The following MYL4 variants were observed in gnomAD, a reference collection of about 807,000 sequenced individuals.
MYL4 encodes the protein atrial myosin light chain 1.
Under a neutral mutation model 21.6 loss-of-function variants are expected in MYL4, and 16 were observed. That is an observed-to-expected ratio of 0.74 (90% CI 0.50 to 1.12). The LOEUF is 1.12. Among genes scored for constraint, MYL4 ranks in the 50% most tolerant of loss-of-function variants. The pLI is 0.00. For missense variants in MYL4, 249 were observed against 252.9 expected (o/e 0.98, Z 0.11); for synonymous variants, 82 against 95.7 (o/e 0.86, Z 0.83).
upstream of MYL4, among the ~76,000 whole-genome samples, chr17:47,199,864 T>A (rs541565718): frequency 2.0e-5 from 3 of 149,930 alleles, no homozygotes; most frequent in African/African-American, 7.4e-5. Context: ...GCCTCTGGAG[T>A]AGCTGGGACT....
upstream of MYL4, among the ~76,000 whole-genome samples, chr17:47,198,911 A>T (rs890846483): frequency 4.0e-5 from 6 of 151,094 alleles, no homozygotes; most frequent in African/African-American, 1.5e-4. Flanking sequence ...TCTTGAGCCT[A>T]GAAGTTCGAA....
chr17:47,216,811 C>T (rs2064818750), intron 2 of MYL4, among the ~76,000 whole-genome samples: 1 of 151,988 alleles, frequency 6.6e-6, no homozygotes, highest in Non-Finnish European at 1.5e-5. Context: ...TCTCCTGCCT[C>T]AGCCTCCTGA....
At chr17:47,206,231 G>A (rs748177997), upstream of MYL4, among the ~76,000 whole-genome samples, 5 of 152,050 alleles carry the variant, frequency 3.3e-5, no homozygotes, top group East Asian at 1.9e-4. Flanking sequence ...GGATGTCTCC[G>A]GAGCCCCATT....
At chr17:47,195,293 G>C in the MYL4 span, among the ~76,000 whole-genome samples, 1 of 148,350 alleles carries the variant, frequency 6.7e-6, no homozygotes, top group Non-Finnish European at 1.5e-5. Context: ...GCAATGGCAT[G>C]ATCTTGGCTC....
At chr17:47,197,981 G>A (rs1389559910), upstream of MYL4, among the ~76,000 whole-genome samples, 4 of 152,308 alleles carry the variant, frequency 2.6e-5, no homozygotes, top group East Asian at 7.7e-4. Flanking sequence ...GATGACTTTA[G>A]TTTTGATAAA....
chr17:47,215,199 G>A (rs2064804953), intron 2 of MYL4, among the ~76,000 whole-genome samples: 1 of 152,190 alleles, frequency 6.6e-6, no homozygotes, highest in African/African-American at 2.4e-5. Flanking sequence ...CTCACTTGCA[G>A]CATTAATTTC....
At chr17:47,213,277 A>G (rs2064789403) in intron 1 of MYL4, among the ~76,000 whole-genome samples, 1 of 152,142 alleles carries the variant, frequency 6.6e-6, no homozygotes, top group Non-Finnish European at 1.5e-5. Flanking sequence ...AATAAGCGGT[A>G]TTGAGAGAGC....
intron 1 of MYL4, among the ~76,000 whole-genome samples, chr17:47,202,901 T>C (rs2064714707): frequency 6.6e-6 from 1 of 152,222 alleles, no homozygotes; most frequent in Non-Finnish European, 1.5e-5. Flanking sequence ...CCTTCACCTA[T>C]CTAGATAAGT....
upstream of MYL4, among the ~76,000 whole-genome samples, chr17:47,204,839 C>G (rs1006436664): frequency 2.6e-5 from 4 of 152,182 alleles, no homozygotes; most frequent in African/African-American, 4.8e-5. Flanking sequence ...CCAAATTACC[C>G]AGTACTCTCT....
upstream of MYL4, among the ~76,000 whole-genome samples, chr17:47,208,629 C>T (rs751509948): frequency 3.3e-5 from 5 of 151,664 alleles, no homozygotes; most frequent in Non-Finnish European, 7.4e-5. Flanking sequence ...AAACTAAACC[C>T]CAAGTTTTCT....
intron 1 of MYL4, among the ~76,000 whole-genome samples, chr17:47,212,628 G>A (rs1024469704): frequency 6.6e-6 from 1 of 152,220 alleles, no homozygotes; most frequent in Non-Finnish European, 1.5e-5. Context: ...GAGCAGAGGA[G>A]GTGGTATTAT....
At chr17:47,215,576 A>G (rs577281705) in intron 2 of MYL4, among the ~76,000 whole-genome samples, 1 of 152,148 alleles carries the variant, frequency 6.6e-6, no homozygotes, top group Non-Finnish European at 1.5e-5. Flanking sequence ...ATTAGCCCTA[A>G]TTCTTCCATT....
downstream of MYL4, among the ~76,000 whole-genome samples, chr17:47,224,067 T>A (rs2064876345): frequency 6.6e-6 from 1 of 152,214 alleles, no homozygotes; most frequent in Admixed American, 6.5e-5. Flanking sequence ...ACACATAACA[T>A]GAAATTTACC....
At chr17:47,223,424 G>C (rs183168110) in intron 6 of MYL4, 85 bp from the exon 7 acceptor site, 3 of 213,644 alleles carry the variant, frequency 1.4e-5, no homozygotes, top group South Asian at 2.7e-4. Flanking sequence ...TCTTTCCCTA[G>C]GTTTTCCCTG....
At chr17:47,197,168 G>A (rs996252522), upstream of MYL4, among the ~76,000 whole-genome samples, 5 of 144,990 alleles carry the variant, frequency 3.4e-5, no homozygotes, top group African/African-American at 1.0e-4. Flanking sequence ...GCGCTATCTC[G>A]GCTCACTGCA....
At chr17:47,203,039 T>C (rs1165096752) in intron 1 of MYL4, among the ~76,000 whole-genome samples, 1 of 152,092 alleles carries the variant, frequency 6.6e-6, no homozygotes, top group Non-Finnish European at 1.5e-5. Context: ...GCAGCCCTGC[T>C]TCCCTAGTTC....
At chr17:47,215,817 G>T (rs1253556888) in intron 2 of MYL4, among the ~76,000 whole-genome samples, 2 of 152,050 alleles carry the variant, frequency 1.3e-5, no homozygotes, top group Non-Finnish European at 2.9e-5. Flanking sequence ...TTGAGACAAG[G>T]TCTTGCTCTC....
downstream of MYL4, among the ~76,000 whole-genome samples, chr17:47,224,063 A>T (rs1336505978): frequency 1.3e-5 from 2 of 152,262 alleles, no homozygotes; most frequent in Non-Finnish European, 2.9e-5. Context: ...AAATACACAT[A>T]ACATGAAATT....
At chr17:47,200,784 G>A (rs1468491596) in intron 1 of MYL4, among the ~76,000 whole-genome samples, 2 of 152,204 alleles carry the variant, frequency 1.3e-5, no homozygotes, top group African/African-American at 4.8e-5. Context: ...ACAGAAATGA[G>A]CTTCAACCAT....
Sources: gnomAD v4.1 joint callset for allele counts (sites outside exome capture counted in the v4.1 genomes callset) on GRCh38, gnomAD v4.1.1 for gene constraint, MANE v1.5 for transcripts, NCBI Gene and HGNC (gene_info 2026-07-23, HGNC 2026-07-21) for gene names.